RNF150: variants seen among roughly 807,000 people sequenced by gnomAD.
The protein encoded by RNF150 is ring finger protein 150.
RNF150 carries 24 observed loss-of-function variants against 39.3 expected under a neutral mutation model. That is an observed-to-expected ratio of 0.61 (90% CI 0.44 to 0.86). The LOEUF (loss-of-function observed/expected upper bound fraction) is 0.86. RNF150 is among the 40% of genes least tolerant of loss of function. The pLI is 0.00. For missense variants in RNF150, 502 were observed against 587.8 expected (o/e 0.85, Z 1.51); for synonymous variants, 255 against 227.3 (o/e 1.12, Z -1.10).
At chr4:141,074,198 G>A (rs1040078581) in intron 1 of RNF150, among the ~76,000 whole-genome samples, 4 of 151,698 alleles carry the variant, frequency 2.6e-5, no homozygotes, top group Non-Finnish European at 5.9e-5. Context: ...AATATCCTGC[G>A]AGCAGAGAAT....
chr4:140,890,952 A>C (rs1429855046), intron 6 of RNF150, among the ~76,000 whole-genome samples: 1 of 152,210 alleles, frequency 6.6e-6, no homozygotes, highest in Non-Finnish European at 1.5e-5. Context: ...CCAGAAAATA[A>C]GTGTCAAATT....
At chr4:140,926,094 C>T in intron 4 of RNF150, 21 bp from the exon 5 acceptor site, 2 of 1,556,918 alleles carry the variant, frequency 1.3e-6, no homozygotes, top group Non-Finnish European at 1.8e-6. Flanking sequence ...AACCATACAT[C>T]TTAGAGCGGC....
chr4:140,903,512 G>A (rs905201805), intron 6 of RNF150, among the ~76,000 whole-genome samples: 1 of 152,104 alleles, frequency 6.6e-6, no homozygotes, highest in East Asian at 1.9e-4. Flanking sequence ...TTGAAAAAGT[G>A]CTGACCTGCA....
chr4:140,998,056 A>G (rs949308798), intron 1 of RNF150, among the ~76,000 whole-genome samples: 4 of 152,328 alleles, frequency 2.6e-5, no homozygotes, highest in South Asian at 2.1e-4. Flanking sequence ...ACTGACTTCA[A>G]TTTAGGATGC....
intron 1 of RNF150, among the ~76,000 whole-genome samples, chr4:141,044,720 C>T (rs556598987): frequency 1.3e-4 from 19 of 151,926 alleles, no homozygotes; most frequent in African/African-American, 4.1e-4. Context: ...AGGACTAATG[C>T]CAATCCCTAC....
chr4:140,980,124 C>A (rs1425435), intron 1 of RNF150, among the ~76,000 whole-genome samples: 46,432 of 151,900 alleles, frequency 0.31, 7,865 homozygotes, highest in East Asian at 0.71. Flanking sequence ...GTCACCGCAA[C>A]TTCTGCCTCC....
intron 1 of RNF150, among the ~76,000 whole-genome samples, chr4:141,013,285 T>C (rs1166955759): frequency 3.3e-5 from 5 of 152,066 alleles, no homozygotes; most frequent in African/African-American, 1.2e-4. Flanking sequence ...GGTGGATACA[T>C]GATACAATGA....
rs570624753 is a variant in RNF150 at position 141,177,359 on chromosome 4, G to T, written c.-6+35435C>A. Among the ~76,000 whole-genome samples, 17 of 152,242 alleles carry T rather than the reference G, an allele frequency of 1.1e-4. 1 individual carries two copies. The East Asian group carries it at 3.3e-3, about 29-fold the overall frequency. On this transcript the variant is annotated intron_variant, in intron 1 of 7. Coordinates refer to the RNF150 transcript ENST00000420921. ...GTTCATGTTTCTACTGAGGATAGAT[G>T]GGTTTGGCAGCGTGCCAGAATTACA... is the stretch of plus-strand genomic sequence containing the variant.
intron 1 of RNF150, among the ~76,000 whole-genome samples, chr4:140,982,066 A>G (rs539972510): frequency 1.3e-5 from 2 of 152,268 alleles, no homozygotes; most frequent in African/African-American, 4.8e-5. Context: ...TATTATTACA[A>G]TCACCTTGAT....
intron 1 of RNF150, among the ~76,000 whole-genome samples, chr4:141,171,570 G>C (rs1313595226): frequency 2.0e-5 from 3 of 152,036 alleles, no homozygotes; most frequent in Admixed American, 2.0e-4. Context: ...GTTAGTCTTA[G>C]TTTCCTCTGA....
rs1460930346 is a variant in RNF150 at position 141,133,183 on chromosome 4, C to T, written c.-375G>A. 1 of 246,742 alleles carries T rather than the reference C, an allele frequency of 4.1e-6. No homozygotes were observed. The highest frequency in any genetic ancestry group is 1.6e-4 in the East Asian group (1 of 6,352). The allele number at this position is 246,742 out of a possible 1,614,324, so 15.3% of individuals were successfully genotyped here. ...ACGAACTTGCAGGGTGGCGGCCCTG[C>T]GCCCTCCAGCCCCGGCGGGGACGGG... On this transcript the variant is annotated 5_prime_UTR_variant, in exon 1 of 7. Transcript: ENST00000515673.
intron 1 of RNF150, among the ~76,000 whole-genome samples, chr4:140,988,759 TC>T (rs1486077309): frequency 6.6e-6 from 1 of 151,766 alleles, no homozygotes; most frequent in African/African-American, 2.4e-5. Context: ...AACCCAAATG[TC>T]CAACAATGAT....
At chr4:140,979,739 G>A (rs1733792561) in intron 1 of RNF150, among the ~76,000 whole-genome samples, 1 of 152,060 alleles carries the variant, frequency 6.6e-6, no homozygotes, top group Admixed American at 6.6e-5. Flanking sequence ...AACAGCTGGG[G>A]ACCATGAAGC....
At chr4:141,130,086 G>T (rs918931535) in intron 1 of RNF150, among the ~76,000 whole-genome samples, 25 of 152,176 alleles carry the variant, frequency 1.6e-4, no homozygotes, top group African/African-American at 6.0e-4. Flanking sequence ...ACTGAATTCA[G>T]AAATCTGACC....
chr4:140,891,695 G>A (rs776591606), intron 6 of RNF150, among the ~76,000 whole-genome samples: 4 of 152,102 alleles, frequency 2.6e-5, no homozygotes, highest in Non-Finnish European at 4.4e-5. Context: ...TATAATCTAT[G>A]CACATCCTTT....
rs1034673477 is a variant in RNF150, at chr4:141,132,912, T to G, written c.-104A>C. ...GGGCCGCTGCCTCTCCTCCTGCTGC[T>G]GCTCACTCCCGGGCCGGAGGGGCCG... On this transcript the variant is annotated 5_prime_UTR_variant, in exon 1 of 7. Coordinates refer to ENST00000515673, the MANE Select transcript of RNF150 (RefSeq NM_020724.2). This position sits in a 1 kb window ranked among gnomAD's most constrained non-coding sequence, Gnocchi z 4.9. 2 of 963,420 alleles carry G rather than the reference T, an allele frequency of 2.1e-6. No homozygotes were observed. The highest frequency in any genetic ancestry group is 1.7e-5 in the African/African-American group (1 of 58,808). 59.7% of individuals were successfully genotyped at this position (963,420 alleles called of 1,614,324 possible).
intron 1 of RNF150, among the ~76,000 whole-genome samples, chr4:141,111,958 T>A (rs981376354): frequency 6.6e-6 from 1 of 152,158 alleles, no homozygotes; most frequent in African/African-American, 2.4e-5. Flanking sequence ...GTAGGAGAAA[T>A]GCAAAAGAAC....
At chr4:141,191,498 T>C (rs1449223669) in intron 1 of RNF150, among the ~76,000 whole-genome samples, 7 of 152,200 alleles carry the variant, frequency 4.6e-5, no homozygotes, top group African/African-American at 1.7e-4. Context: ...TTAGTATCTA[T>C]TTGTAAAAAT....
At chr4:140,980,120 G>A (rs1462721729) in intron 1 of RNF150, among the ~76,000 whole-genome samples, 3 of 152,006 alleles carry the variant, frequency 2.0e-5, no homozygotes, top group African/African-American at 4.8e-5. Flanking sequence ...TTGGGTCACC[G>A]CAACTTCTGC....
Sources: gnomAD v4.1 joint callset for allele counts (sites outside exome capture counted in the v4.1 genomes callset) on GRCh38, gnomAD v4.1.1 for gene constraint, Gnocchi (gnomAD v3.1) non-coding constraint, MANE v1.5 for transcripts, NCBI Gene and HGNC (gene_info 2026-07-23, HGNC 2026-07-21) for gene names.